PREX1: variants seen among roughly 807,000 people sequenced by gnomAD.
PREX1 encodes the protein phosphatidylinositol 3,4,5-trisphosphate-dependent Rac exchanger 1 protein.
Under a neutral mutation model 198.3 loss-of-function variants are expected in PREX1, and 41 were observed. The ratio of observed to expected loss-of-function variants is 0.21; its 90% CI spans 0.16 to 0.27. The LOEUF (loss-of-function observed/expected upper bound fraction) is 0.27, where lower values mean the gene tolerates loss of function less well. Among genes scored for constraint, PREX1 ranks in the 10% least tolerant of loss-of-function variants. The pLI is 1.00. For missense variants in PREX1, 1,620 were observed against 2,200.7 expected (o/e 0.74, Z 5.28); for synonymous variants, 843 against 887.2 (o/e 0.95, Z 0.89).
In PREX1 at chr20:48,691,146, T is replaced by C. The variant is rs1475116169; in HGVS notation, c.1037-50A>G. 1 of 1,611,770 alleles carries C rather than the reference T, an allele frequency of 6.2e-7. No homozygotes were observed. The highest frequency in any genetic ancestry group is 1.7e-5 in the Admixed American group (1 of 59,982). On this transcript the variant is annotated intron_variant, in intron 8 of 39. Coordinates refer to ENST00000371941, the MANE Select transcript of PREX1 (RefSeq NM_020820.4). This position sits in a 1 kb window ranked among gnomAD's most constrained non-coding sequence, Gnocchi z 5.0. The stretch of plus-strand genomic sequence containing the variant: ...GCAGCAGAGACTCAGCCGCGTGACC[T>C]TCAACACTCCCCATTGCCAAGCCCT...
chr20:48,851,394 C>G, the PREX1 span, among the ~76,000 whole-genome samples: 1 of 152,126 alleles, frequency 6.6e-6, no homozygotes, highest in African/African-American at 2.4e-5. Flanking sequence ...GTAATCCCAG[C>G]TATGTGGGAG....
chr20:48,873,864 CGT>C, the PREX1 span, among the ~76,000 whole-genome samples: 4 of 152,174 alleles, frequency 2.6e-5, no homozygotes, highest in African/African-American at 9.6e-5. Context: ...TTTTCCCAGG[CGT>C]TTACACACAG....
At chr20:48,745,256 G>A (rs1024567418) in intron 2 of PREX1, 109 bp from the exon 3 acceptor site, 1 of 1,241,644 alleles carries the variant, frequency 8.1e-7, no homozygotes, top group African/African-American at 1.5e-5. Flanking sequence ...AGTCAAAGAA[G>A]AACTCTCAAA....
At chr20:48,708,224 T>C (rs1568833773) in intron 6 of PREX1, 36 bp downstream of exon 6, 1 of 1,605,934 alleles carries the variant, frequency 6.2e-7, no homozygotes, top group Admixed American at 1.7e-5. Flanking sequence ...CCTGGCCCCC[T>C]GCGGCCCAGG....
At chr20:48,669,902 A>T (rs1304609304) in intron 14 of PREX1, among the ~76,000 whole-genome samples, 1 of 152,028 alleles carries the variant, frequency 6.6e-6, no homozygotes, top group Non-Finnish European at 1.5e-5. Flanking sequence ...GTTACACAGG[A>T]CCCCAGACAG....
the PREX1 span, among the ~76,000 whole-genome samples, chr20:48,865,228 C>G: frequency 3.7e-4 from 57 of 152,314 alleles, no homozygotes; most frequent in African/African-American, 1.3e-3. Flanking sequence ...TACAGGAACA[C>G]AGCCTTTGGC....
At chr20:48,873,310 G>T in the PREX1 span, among the ~76,000 whole-genome samples, 1 of 152,160 alleles carries the variant, frequency 6.6e-6, no homozygotes, top group African/African-American at 2.4e-5. Flanking sequence ...ATGAGATGGA[G>T]AAGTCCATTC....
intron 1 of PREX1, among the ~76,000 whole-genome samples, chr20:48,761,294 T>C (rs978049255): frequency 1.3e-5 from 2 of 152,192 alleles, no homozygotes; most frequent in Admixed American, 1.3e-4. Flanking sequence ...TATGTGTGTT[T>C]ATATCAGTCT....
intron 7 of PREX1, among the ~76,000 whole-genome samples, chr20:48,697,900 G>T (rs1020480981): frequency 6.6e-6 from 1 of 152,170 alleles, no homozygotes; most frequent in Non-Finnish European, 1.5e-5. Context: ...GACCTCCCCT[G>T]ACCCATATCC....
intron 15 of PREX1, among the ~76,000 whole-genome samples, chr20:48,664,633 G>A (rs1016263519): frequency 1.3e-5 from 2 of 152,240 alleles, no homozygotes; most frequent in Non-Finnish European, 2.9e-5. Context: ...TGAAAGGACA[G>A]GAAACTCAGG....
the PREX1 span, among the ~76,000 whole-genome samples, chr20:48,837,227 T>A: frequency 6.6e-6 from 1 of 151,902 alleles, no homozygotes; most frequent in African/African-American, 2.4e-5. Context: ...CTGGTGGGAG[T>A]GTAAATTAGT....
At chr20:48,737,007 A>G (rs2090059541) in intron 3 of PREX1, among the ~76,000 whole-genome samples, 1 of 152,138 alleles carries the variant, frequency 6.6e-6, no homozygotes, top group African/African-American at 2.4e-5. Flanking sequence ...AGACAACAAT[A>G]TCATTACCAT....
At chr20:48,680,389 G>A (rs1337553345) in intron 11 of PREX1, among the ~76,000 whole-genome samples, 1 of 152,158 alleles carries the variant, frequency 6.6e-6, no homozygotes, top group East Asian at 1.9e-4. Flanking sequence ...CTGCCAGCGT[G>A]TTCGTCCAAG....
intron 13 of PREX1, among the ~76,000 whole-genome samples, chr20:48,679,093 C>A (rs1173999911): frequency 6.6e-6 from 1 of 152,240 alleles, no homozygotes; most frequent in Non-Finnish European, 1.5e-5. Flanking sequence ...TTAAGTAACT[C>A]TGCCCAAGGT....
rs73260234 is a variant in PREX1, at chr20:48,800,951, C to T, written c.219+26691G>A. On this transcript the variant is annotated intron_variant, in intron 1 of 39. Transcript: ENST00000371941. ...GATTACAGGTGTGGGCCACCGCACT[C>T]AGCCTGTGGATGCAAATAATTATGG... is the stretch of plus-strand genomic sequence containing the variant. Among the ~76,000 whole-genome samples the T allele has an allele frequency of 7.7e-3, 1,169 of 152,252 alleles. 15 individuals are homozygous for T. The highest frequency in any genetic ancestry group is 0.027 in the African/African-American group (1,122 of 41,532).
chr20:48,628,323 G>A lies in PREX1; in HGVS notation c.4767-360C>T, dbSNP rs1032680782. 8.5e-5 allele frequency among the ~76,000 whole-genome samples: 13 copies of A among 152,222 alleles called. 1 individual carries two copies. The highest frequency in any genetic ancestry group is 5.9e-5 in the Non-Finnish European group (4 of 68,030). On this transcript the variant is annotated intron_variant, in intron 37 of 39. Coordinates refer to ENST00000371941, the MANE Select transcript of PREX1 (RefSeq NM_020820.4). ...CCTCACGACTTGTCGGCTCCGTGGGGTTTGAGATGGACACATCGATTCACA... is the reference window on the plus strand; with the variant it reads ...CCTCACGACTTGTCGGCTCCGTGGGATTTGAGATGGACACATCGATTCACA...
intron 1 of PREX1, among the ~76,000 whole-genome samples, chr20:48,817,309 C>A (rs2090463476): frequency 6.6e-6 from 1 of 152,190 alleles, no homozygotes; most frequent in South Asian, 2.1e-4. Flanking sequence ...GGCAAGGGAC[C>A]ACTTGGTCAA....
At chr20:48,698,955 T>A (rs1233694558) in intron 7 of PREX1, among the ~76,000 whole-genome samples, 1 of 151,774 alleles carries the variant, frequency 6.6e-6, no homozygotes, top group Non-Finnish European at 1.5e-5. Context: ...ACAAAAGAGG[T>A]TAAACGGGGA....
chr20:48,835,334 G>A, the PREX1 span, among the ~76,000 whole-genome samples: 1 of 152,206 alleles, frequency 6.6e-6, no homozygotes, highest in Non-Finnish European at 1.5e-5. Flanking sequence ...CTAGAATAGT[G>A]AATAAAGCAA....
Sources: allele counts gnomAD v4.1 joint callset (sites outside exome capture counted in the v4.1 genomes callset), GRCh38; gene constraint gnomAD v4.1.1; non-coding constraint Gnocchi (gnomAD v3.1); transcripts MANE v1.5; gene names NCBI Gene and HGNC (gene_info 2026-07-23, HGNC 2026-07-21).